The following CLASP1 variants were observed in gnomAD, a reference collection of about 807,000 sequenced individuals.
CLASP1 encodes cytoplasmic linker associated protein 1.
A neutral mutation model predicts 192.3 loss-of-function variants in CLASP1; 38 were observed. The ratio of observed to expected loss-of-function variants is 0.20; its 90% CI spans 0.15 to 0.26. The LOEUF (loss-of-function observed/expected upper bound fraction) is 0.26. Ranked by LOEUF, CLASP1 falls within the 10% of genes least tolerant of loss-of-function variation. The pLI, the probability that CLASP1 is intolerant of heterozygous loss-of-function variation, is 1.00. For missense variants in CLASP1, 1,433 were observed against 1,932.5 expected, an observed-to-expected ratio of 0.74 and a Z score of 4.85; for synonymous variants, 691 against 712.8, an observed-to-expected ratio of 0.97 and a Z score of 0.49.
At chr2:121,421,697 C>G (rs2079534180) in intron 22 of CLASP1, among the ~76,000 whole-genome samples, 1 of 152,166 alleles carries the variant, frequency 6.6e-6, no homozygotes, top group African/African-American at 2.4e-5. Context: ...CACGCACCAC[C>G]ACATCCAGCT....
intron 29 of CLASP1, 25 bp downstream of exon 30, chr2:121,398,297 A>T: frequency 6.5e-7 from 1 of 1,537,188 alleles, no homozygotes; most frequent in Non-Finnish European, 8.9e-7. Flanking sequence ...CCAGGGTTGA[A>T]TTGTAATGAC....
chr2:121,649,128 G>C (rs2073742043), intron 1 of CLASP1, among the ~76,000 whole-genome samples: 1 of 152,152 alleles, frequency 6.6e-6, no homozygotes, highest in African/African-American at 2.4e-5. Flanking sequence ...CCCCAGGGCC[G>C]ATCCCCTCCC....
In CLASP1 at chr2:121,372,599, C is replaced by G. The variant is rs958337764; in HGVS notation, c.3643-4768G>C. On this transcript the variant is annotated intron_variant, in intron 34 of 39. Coordinates refer to ENST00000263710, the Ensembl canonical transcript of CLASP1. ...CATCTCCTTCTAGGGTAATATTTCA[C>G]TGAATTGCACTAGCATTTGCTCGAC... Among the ~76,000 whole-genome samples the G allele has an allele frequency of 3.3e-5, 5 of 152,356 alleles. No individual in the cohort carries two copies. The South Asian group carries it at 8.3e-4, about 25-fold the overall frequency.
intron 34 of CLASP1, among the ~76,000 whole-genome samples, chr2:121,376,526 T>TGGGGGGGGGGGGAGGGGGG (rs61313144): frequency 9.5e-6 from 1 of 105,134 alleles, no homozygotes; most frequent in African/African-American, 3.7e-5. Flanking sequence ...TGGGAAGGGG[T>TGGGGGGGGGGGGAGGGGGG]GGGGGGGGGG....
chr2:121,500,401 G>GA (rs1271638932), intron 8 of CLASP1, among the ~76,000 whole-genome samples: 12 of 105,654 alleles, frequency 1.1e-4, no homozygotes, highest in East Asian at 8.5e-4. Flanking sequence ...AGAAAGAAAA[G>GA]AAAGAAAGAA....
exon 20 of CLASP1, chr2:121,430,129 G>A: frequency 6.3e-7 from 1 of 1,578,706 alleles, no homozygotes; most frequent in Admixed American, 1.8e-5. Flanking sequence ...AGGTGTAGAG[G>A]CGACGTTGGT....
intron 30 of CLASP1, among the ~76,000 whole-genome samples, chr2:121,390,902 C>G (rs933822867): frequency 2.6e-5 from 4 of 152,136 alleles, no homozygotes; most frequent in African/African-American, 9.7e-5. Context: ...TCACCGTGCA[C>G]TGCAGCCTTG....
chr2:121,340,497 T>C (rs2062672229), exon 40 of CLASP1: 1 of 191,408 alleles, frequency 5.2e-6, no homozygotes, highest in South Asian at 1.2e-4. Context: ...AAATATGTTA[T>C]TAACTGAAAA....
chr2:121,386,815 C>A (rs2073293919), intron 32 of CLASP1, among the ~76,000 whole-genome samples: 1 of 152,208 alleles, frequency 6.6e-6, no homozygotes, highest in African/African-American at 2.4e-5. Flanking sequence ...TGAGCTTCTA[C>A]ATGGATTCTA....
chr2:121,551,839 GA>G (rs1319485866), intron 2 of CLASP1, among the ~76,000 whole-genome samples: 2 of 151,886 alleles, frequency 1.3e-5, no homozygotes, highest in Non-Finnish European at 2.9e-5. Context: ...CAAAGAACTA[GA>G]AAAAAATATT....
intron 2 of CLASP1, among the ~76,000 whole-genome samples, chr2:121,584,855 A>AT (rs1201805398): frequency 6.6e-6 from 1 of 152,262 alleles, no homozygotes; most frequent in African/African-American, 2.4e-5. Flanking sequence ...TTTGGGTACA[A>AT]TTTAAATCCA....
intron 7 of CLASP1, among the ~76,000 whole-genome samples, chr2:121,514,438 T>C (rs558778559): frequency 1.2e-3 from 178 of 152,218 alleles, no homozygotes; most frequent in South Asian, 2.1e-3. Flanking sequence ...ATTGAGTTCT[T>C]TTTCCTCCTG....
rs567847875 is a variant in CLASP1, at chr2:121,640,249, T to C, written c.-286+9123A>G. On this transcript the variant is annotated intron_variant, in intron 1 of 39. Transcript: ENST00000263710. ...GTGGGGGGCCGGGGGAGGAATAGCA[T>C]TGGGAGAAATACCTAATGTAAATGA... Among the ~76,000 whole-genome samples the C allele has an allele frequency of 7.4e-4, 112 of 152,200 alleles. 1 individual carries two copies. The highest frequency in any genetic ancestry group is 3.4e-3 in the Middle Eastern group (1 of 294).
intron 5 of CLASP1, among the ~76,000 whole-genome samples, 191 bp downstream of exon 5, chr2:121,527,608 A>T (rs911046274): frequency 1.3e-5 from 2 of 152,164 alleles, no homozygotes; most frequent in African/African-American, 4.8e-5. Context: ...GATTGTATCC[A>T]TCTCAACTTC....
chr2:121,417,535 T>C (rs1326053778), intron 23 of CLASP1, among the ~76,000 whole-genome samples: 5 of 151,912 alleles, frequency 3.3e-5, no homozygotes, highest in African/African-American at 7.3e-5. Context: ...ATAGGTGACA[T>C]GCAATAGGTA....
chr2:121,348,742 G>A, intron 37 of CLASP1, 24 bp from the exon 39 acceptor site: 1 of 1,560,676 alleles, frequency 6.4e-7, no homozygotes, highest in Non-Finnish European at 8.7e-7. Context: ...TTCCCCCAAA[G>A]AGTGAGCTCC....
chr2:121,520,694 G>A (rs965176522), intron 6 of CLASP1, among the ~76,000 whole-genome samples: 2 of 152,250 alleles, frequency 1.3e-5, no homozygotes, highest in Admixed American at 1.3e-4. Context: ...GTGCTGTGAA[G>A]ATGAAATCAA....
At chr2:121,554,947 A>ATT (rs201109237) in intron 2 of CLASP1, among the ~76,000 whole-genome samples, 2,108 of 152,330 alleles carry the variant, frequency 0.014, 49 homozygotes, top group African/African-American at 0.048. Context: ...CTAGTGACTG[A>ATT]ATCATGCACA....
chr2:121,449,052 G>C lies in CLASP1; in HGVS notation c.1592C>G (p.Ser531Cys), dbSNP rs771928116. The change falls in exon 17 of 40, where the codon TCC (serine) becomes TGC (cysteine). Residue 531 changes from serine to cysteine, a missense_variant. By Grantham distance (112) the Ser-to-Cys change is moderately radical. Around this residue, in one of 8 missense-constraint regions of CLASP1, gnomAD observed 445 missense variants for 535.5 expected, o/e 0.83. Transcript: ENST00000263710. Reference sequence around the variant, plus strand: ...GTGGGACTGCAGGGCTTTCTGGTAGGAGGACTCCAAGGTGTGGTACAAGTG... The same window carrying C: ...GTGGGACTGCAGGGCTTTCTGGTAGCAGGACTCCAAGGTGTGGTACAAGTG... 31 of 1,613,946 alleles carry C rather than the reference G, an allele frequency of 1.9e-5. No individual in the cohort carries two copies. Among genetic ancestry groups the C allele is most frequent in the Non-Finnish European group, 2.6e-5 (31 of 1,179,854 alleles).
Sources: allele counts gnomAD v4.1 joint callset (sites outside exome capture counted in the v4.1 genomes callset), GRCh38; gene constraint gnomAD v4.1.1; regional missense constraint gnomAD v4.1.1; transcripts MANE v1.5; gene names NCBI Gene and HGNC (gene_info 2026-07-23, HGNC 2026-07-21).